Variants in VSTM4 observed in about 807,000 individuals in gnomAD.
VSTM4 encodes the protein V-set and transmembrane domain-containing protein 4.
In VSTM4, 20 loss-of-function variants were observed where a neutral mutation model predicts 36.4. The observed-to-expected ratio is 0.55, with a 90% CI of 0.39 to 0.80. The LOEUF (loss-of-function observed/expected upper bound fraction) is 0.80, where lower values mean the gene tolerates loss of function less well. VSTM4 is among the 30% of genes least tolerant of loss of function. The pLI, the probability that VSTM4 is intolerant of heterozygous loss-of-function variation, is 0.00. For missense variants in VSTM4, 392 were observed against 404.5 expected (o/e 0.97, Z 0.26); for synonymous variants, 182 against 173.9 (o/e 1.05, Z -0.37).
intron 5 of VSTM4, among the ~76,000 whole-genome samples, chr10:49,062,707 T>A (rs1039382262): frequency 6.6e-6 from 1 of 152,240 alleles, no homozygotes; most frequent in African/African-American, 2.4e-5. Flanking sequence ...ACTCTGTTTA[T>A]CCTCTCCTTC....
intron 1 of VSTM4, among the ~76,000 whole-genome samples, chr10:49,108,537 A>T (rs1844833429): frequency 6.6e-6 from 1 of 152,070 alleles, no homozygotes; most frequent in Admixed American, 6.5e-5. Flanking sequence ...CCTTTCCCTG[A>T]CTCCGCTATT....
At chr10:49,077,410 A>T (rs1844199822) in intron 3 of VSTM4, 84 bp from the exon 4 acceptor site, 1 of 1,260,692 alleles carries the variant, frequency 7.9e-7, no homozygotes, top group Non-Finnish European at 1.1e-6. Flanking sequence ...CAGAATTGGA[A>T]TATTTGAAAT....
At chr10:49,091,392 G>A (rs1374834580) in intron 2 of VSTM4, among the ~76,000 whole-genome samples, 2 of 152,182 alleles carry the variant, frequency 1.3e-5, no homozygotes, top group Non-Finnish European at 2.9e-5. Context: ...TGAAGAAAGT[G>A]GCCACAGGAT....
chr10:49,044,776 T>C (rs1843580348), intron 7 of VSTM4, among the ~76,000 whole-genome samples: 1 of 152,226 alleles, frequency 6.6e-6, no homozygotes, highest in Non-Finnish European at 1.5e-5. Flanking sequence ...TAAAAACATC[T>C]TTGTCTACTC....
At chr10:49,109,381 T>C (rs1046246314) in intron 1 of VSTM4, among the ~76,000 whole-genome samples, 5 of 152,202 alleles carry the variant, frequency 3.3e-5, no homozygotes, top group African/African-American at 1.2e-4. Flanking sequence ...GGATGGTAGA[T>C]ACAAACTATT....
In VSTM4 at chr10:49,098,703, T is replaced by C. The variant is rs112635462; in HGVS notation, c.457+8891A>G. Among the ~76,000 whole-genome samples the C allele has an allele frequency of 7.2e-3, 1,099 of 152,292 alleles. 8 individuals carry two copies. Among genetic ancestry groups the C allele is most frequent in the Middle Eastern group, 0.031 (9 of 294 alleles). On this transcript the variant is annotated intron_variant, in intron 2 of 7. Coordinates refer to ENST00000332853, the MANE Select transcript of VSTM4 (RefSeq NM_001031746.5). The stretch of plus-strand genomic sequence containing the variant: ...TAAACCACCAAGGACATCTCCAACA[T>C]TGCCCTCTCCCTCAGCTCTTAAGGG...
At chr10:49,095,766 T>C (rs1384357906) in intron 2 of VSTM4, among the ~76,000 whole-genome samples, 1 of 152,092 alleles carries the variant, frequency 6.6e-6, no homozygotes, top group Non-Finnish European at 1.5e-5. Flanking sequence ...GTTTGCTACC[T>C]CCATAACGTC....
At chr10:49,100,833 T>C (rs140722279) in intron 2 of VSTM4, among the ~76,000 whole-genome samples, 381 of 152,286 alleles carry the variant, frequency 2.5e-3, no homozygotes, top group African/African-American at 8.8e-3. Flanking sequence ...CCCTATTCTA[T>C]AATAATTAGA....
At chr10:49,072,046 A>G (rs1844088730) in intron 4 of VSTM4, among the ~76,000 whole-genome samples, 1 of 152,236 alleles carries the variant, frequency 6.6e-6, no homozygotes, top group African/African-American at 2.4e-5. Flanking sequence ...TATATTTGAA[A>G]GTTAAGAGTG....
intron 7 of VSTM4, among the ~76,000 whole-genome samples, chr10:49,036,243 C>A (rs1037281583): frequency 2.0e-5 from 3 of 152,168 alleles, no homozygotes; most frequent in Admixed American, 1.3e-4. Context: ...TTCCCTCCAG[C>A]TGACATACAT....
At chr10:49,095,340 C>T (rs1462022618) in intron 2 of VSTM4, among the ~76,000 whole-genome samples, 1 of 152,068 alleles carries the variant, frequency 6.6e-6, no homozygotes, top group East Asian at 1.9e-4. Flanking sequence ...CTCATTCACT[C>T]CTCCATCTAA....
chr10:49,086,121 C>G, intron 2 of VSTM4, 98 bp from the exon 3 acceptor site: 1 of 742,798 alleles, frequency 1.3e-6, no homozygotes, highest in Non-Finnish European at 2.2e-6. Flanking sequence ...TTTGCAAAAC[C>G]ACATTTAGTT....
intron 1 of VSTM4, among the ~76,000 whole-genome samples, chr10:49,108,525 C>T (rs1844833204): frequency 6.6e-6 from 1 of 152,196 alleles, no homozygotes; most frequent in Non-Finnish European, 1.5e-5. Context: ...GGAAGCTGGG[C>T]CCCTTTCCCT....
chr10:49,039,547 A>G (rs902447345), intron 7 of VSTM4, among the ~76,000 whole-genome samples: 2 of 152,096 alleles, frequency 1.3e-5, no homozygotes, highest in African/African-American at 4.8e-5. Flanking sequence ...GCTGGCTCAC[A>G]GAGATCATTT....
At chr10:49,104,522 T>A (rs35012082) in intron 2 of VSTM4, among the ~76,000 whole-genome samples, 19,978 of 152,176 alleles carry the variant, frequency 0.13, 1,544 homozygotes, top group South Asian at 0.24. Context: ...TTCAGGCCAT[T>A]TGCTTGGGGT....
intron 2 of VSTM4, among the ~76,000 whole-genome samples, chr10:49,086,918 C>G (rs1202098287): frequency 6.6e-6 from 1 of 152,120 alleles, no homozygotes; most frequent in Non-Finnish European, 1.5e-5. Context: ...ACGAAGAGCT[C>G]TAGACAAGAG....
At chr10:49,108,962 G>A (rs949281311) in intron 1 of VSTM4, among the ~76,000 whole-genome samples, 12 of 152,124 alleles carry the variant, frequency 7.9e-5, no homozygotes, top group Non-Finnish European at 1.0e-4. Context: ...CAGGCTGCCC[G>A]GTGCTCACAG....
At chr10:49,041,203 AT>A (rs1275417755) in intron 7 of VSTM4, among the ~76,000 whole-genome samples, 2 of 152,120 alleles carry the variant, frequency 1.3e-5, no homozygotes, top group Non-Finnish European at 2.9e-5. Context: ...TAGGCCTGAT[AT>A]TTTTGTCTCT....
At chr10:49,056,014 C>A (rs527770753) in intron 5 of VSTM4, among the ~76,000 whole-genome samples, 1 of 152,384 alleles carries the variant, frequency 6.6e-6, no homozygotes, top group African/African-American at 2.4e-5. Flanking sequence ...GGTTGCAAAG[C>A]TGTGCTCTCT....
Sources: allele counts gnomAD v4.1 joint callset (sites outside exome capture counted in the v4.1 genomes callset), GRCh38; gene constraint gnomAD v4.1.1; transcripts MANE v1.5; gene names NCBI Gene and HGNC (gene_info 2026-07-23, HGNC 2026-07-21).